Variants in RTN3 observed in about 807,000 individuals in gnomAD.
RTN3 encodes the protein reticulon 3, also known as reticulon-3.
In RTN3, 49 loss-of-function variants were observed where a neutral mutation model predicts 77.8. That is an observed-to-expected ratio of 0.63 (90% CI 0.50 to 0.80). The LOEUF is 0.80. Ranked by LOEUF, RTN3 falls within the 30% of genes least tolerant of loss-of-function variation. RTN3 has a pLI of 0.00. For synonymous variants in RTN3, 464 were observed against 446.9 expected, an observed-to-expected ratio of 1.04 and a Z score of -0.48; for missense variants, 1,236 against 1,211.9, an observed-to-expected ratio of 1.02 and a Z score of -0.29.
chr11:63,742,211 C>A (rs2013525795), intron 3 of RTN3, among the ~76,000 whole-genome samples: 1 of 148,958 alleles, frequency 6.7e-6, no homozygotes, highest in African/African-American at 2.5e-5. Flanking sequence ...GATCTCCTGA[C>A]CTTGTGATCC....
intron 1 of RTN3, among the ~76,000 whole-genome samples, chr11:63,698,317 G>T (rs1214681818): frequency 6.6e-6 from 1 of 151,968 alleles, no homozygotes; most frequent in Non-Finnish European, 1.5e-5. Flanking sequence ...GTAGAGATGG[G>T]ATTTCACCAT....
In RTN3 at chr11:63,712,791, G is replaced by A. The variant is rs1251679801; in HGVS notation, c.200-5911G>A. Among the ~76,000 whole-genome samples, 4 of 152,036 alleles carry A rather than the reference G, an allele frequency of 2.6e-5. No homozygotes were observed. In the East Asian group the frequency reaches 5.8e-4, roughly 22 times the overall value. ...TGAGCCACCGTGCCTGGCCGACTTCGAATTTTTTAATAAGAATTTTTTGGC... is the reference window on the plus strand; with the variant it reads ...TGAGCCACCGTGCCTGGCCGACTTCAAATTTTTTAATAAGAATTTTTTGGC... On this transcript the variant is annotated intron_variant, in intron 2 of 8. Coordinates refer to ENST00000377819, the MANE Select transcript of RTN3 (RefSeq NM_001265589.2).
rs1231313491 is a variant in RTN3, at chr11:63,684,623, A to G, written c.142+2845A>G. On this transcript the variant is annotated intron_variant, in intron 1 of 8. Transcript: ENST00000377819. ...CATTATTTCTTAGTAAAATTTTATTACAGAATTTGTATTTCTTAGATGTGC... is the reference window on the plus strand; with the variant it reads ...CATTATTTCTTAGTAAAATTTTATTGCAGAATTTGTATTTCTTAGATGTGC... Among the ~76,000 whole-genome samples the G allele has an allele frequency of 2.0e-5, 3 of 152,036 alleles. No individual in the cohort carries two copies. The East Asian group carries it at 5.8e-4, about 29-fold the overall frequency.
At position 63,719,602 on chromosome 11, in the gene RTN3, T is replaced by G. The variant is rs1292481640; in HGVS notation, c.1100T>G (p.Met367Arg). ...DCITKTTGLD[M>R]SEYNSEIPVV... is the part of the protein sequence containing the mutation. ...ATCACAAAAACTACAGGACTTGACA[T>G]GAGTGAATATAATTCAGAAATTCCA... Residue 367 changes from methionine (M) to arginine (R), a missense_variant, in exon 3 of 9, where the codon ATG becomes AGG. Physicochemically the swap from Met to Arg is moderately conservative, Grantham distance 91. Around this residue, in one of 3 missense-constraint regions of RTN3, gnomAD observed 1,056 missense variants for 990.4 expected, o/e 1.07. Coordinates refer to ENST00000377819, the MANE Select transcript of RTN3 (RefSeq NM_001265589.2). 3.1e-6 allele frequency: 5 copies of G among 1,613,854 alleles called. No individual in the cohort carries two copies. Among genetic ancestry groups the G allele is most frequent in the Non-Finnish European group, 4.2e-6 (5 of 1,179,996 alleles).
At chr11:63,694,095 A>G (rs1404389484) in intron 1 of RTN3, among the ~76,000 whole-genome samples, 1 of 152,162 alleles carries the variant, frequency 6.6e-6, no homozygotes, top group Non-Finnish European at 1.5e-5. Flanking sequence ...CATCCTGGGC[A>G]ACAGAAGACA....
chr11:63,720,905 T>C lies in RTN3; in HGVS notation c.2403T>C (p.Ser801=). The part of the protein sequence containing the change: ...DILERNVKNG[S]DLGISQKPIT... The stretch of plus-strand genomic sequence containing the variant: ...TAGAACGTAATGTCAAGAATGGATC[T>C]GATCTTGGGATTTCCCAGAAGCCCA... The change falls in exon 3 of 9, where the codon TCT becomes TCC. Residue 801 remains serine, a synonymous_variant. Transcript: ENST00000377819. The C allele has an allele frequency of 6.2e-7, 1 of 1,614,142 alleles. No individual in the cohort carries two copies. The highest frequency in any genetic ancestry group is 8.5e-7 in the Non-Finnish European group (1 of 1,180,032).
At chr11:63,743,980 A>C (rs894134030) in intron 3 of RTN3, among the ~76,000 whole-genome samples, 1 of 151,836 alleles carries the variant, frequency 6.6e-6, no homozygotes, top group Non-Finnish European at 1.5e-5. Flanking sequence ...ACAGTGGCTC[A>C]CGCCTGTAAT....
intron 3 of RTN3, among the ~76,000 whole-genome samples, chr11:63,747,547 C>T (rs1353429078): frequency 1.3e-5 from 2 of 152,158 alleles, no homozygotes; most frequent in South Asian, 2.1e-4. Context: ...CTCTTTGAAC[C>T]AGTGATTACT....
chr11:63,701,901 T>C (rs1384751875), intron 1 of RTN3, among the ~76,000 whole-genome samples: 2 of 152,204 alleles, frequency 1.3e-5, no homozygotes, highest in Non-Finnish European at 2.9e-5. Context: ...GCTGTGATCA[T>C]GTCAGTGCAC....
chr11:63,736,520 C>G (rs2013131400), intron 3 of RTN3, among the ~76,000 whole-genome samples: 1 of 152,016 alleles, frequency 6.6e-6, no homozygotes, highest in African/African-American at 2.4e-5. Context: ...AACCCCATCT[C>G]TACTAAAAAT....
Position 63,720,471 on chromosome 11 carries a change from G to T in RTN3, c.1969G>T (p.Ala657Ser). ...DDSSPEDLIA[A>S]FTETRDKGIV... Reference sequence around the variant, plus strand: ...TTCCTCCCCAGAGGACCTGATAGCAGCCTTTACAGAAACCAGAGATAAAGG... The same window carrying T: ...TTCCTCCCCAGAGGACCTGATAGCATCCTTTACAGAAACCAGAGATAAAGG... Residue 657 changes from alanine (A) to serine (S), a missense_variant, in exon 3 of 9, where the codon GCC (alanine) becomes TCC (serine). Transcript: ENST00000377819. 6.2e-7 allele frequency: 1 copy of T among 1,613,164 alleles called. No individual in the cohort carries two copies.
intron 1 of RTN3, among the ~76,000 whole-genome samples, chr11:63,700,282 C>T (rs4963427): frequency 9.0e-5 from 12 of 133,420 alleles, no homozygotes; most frequent in Admixed American, 1.6e-4. Flanking sequence ...GATTCTTTTA[C>T]TTTTTTTTTT....
At chr11:63,734,734 AACACACACACAC>A (rs754454322) in intron 3 of RTN3, among the ~76,000 whole-genome samples, 1,080 of 81,310 alleles carry the variant, frequency 0.013, 16 homozygotes, top group African/African-American at 0.038. Flanking sequence ...TCTGTCTCAA[AACACACACACAC>A]ACACACACAC....
intron 3 of RTN3, among the ~76,000 whole-genome samples, chr11:63,734,734 AACACACACACACACACACACACACAC>A (rs754454322): frequency 6.8e-4 from 55 of 81,316 alleles, no homozygotes; most frequent in African/African-American, 2.0e-3. Context: ...TCTGTCTCAA[AACACACACACACACACACACACACAC>A]ACACACACAC....
intron 1 of RTN3, among the ~76,000 whole-genome samples, chr11:63,695,303 T>TC (rs374507687): frequency 3.7e-4 from 57 of 152,306 alleles, no homozygotes; most frequent in African/African-American, 1.3e-3. Flanking sequence ...TTCTTTTTTT[T>TC]CCCCCTGAAA....
Position 63,704,523 on chromosome 11 carries a change from CAG to C in RTN3, c.143-325_143-324del, listed in dbSNP as rs201223182. ...AGATACTTATTTTCCCCTTCCCACA[CAG>C]AGTAGCAGAGCAGCAGCATCTGTTC... On this transcript the variant is annotated intron_variant, in intron 1 of 8. Transcript: ENST00000377819. 4.6e-4 allele frequency among the ~76,000 whole-genome samples: 70 copies of C among 152,066 alleles called. 1 individual carries two copies. The East Asian group carries it at 0.013, about 28-fold the overall frequency.
chr11:63,735,602 T>TCTCTCTCTCTCTCTCTCTC (rs1555078117), intron 3 of RTN3, among the ~76,000 whole-genome samples: 1 of 25,052 alleles, frequency 4.0e-5, no homozygotes, highest in African/African-American at 1.3e-4. Context: ...CTCTCTCTCT[T>TCTCTCTCTCTCTCTCTCTC]TCTTTCAACC....
intron 2 of RTN3, among the ~76,000 whole-genome samples, chr11:63,716,101 A>G (rs1188961102): frequency 1.3e-5 from 2 of 152,204 alleles, no homozygotes; most frequent in Non-Finnish European, 2.9e-5. Context: ...CCTTGAATGT[A>G]CAAAGACTTT....
intron 1 of RTN3, among the ~76,000 whole-genome samples, chr11:63,683,945 T>C: frequency 9.6e-6 from 1 of 104,522 alleles, no homozygotes; most frequent in South Asian, 3.5e-4. Flanking sequence ...TTTTCTTTCT[T>C]TTTTTTTTTT....
Sources: gnomAD v4.1 joint callset for allele counts (sites outside exome capture counted in the v4.1 genomes callset) on GRCh38, gnomAD v4.1.1 for gene constraint, gnomAD v4.1.1 regional missense constraint, MANE v1.5 for transcripts, NCBI Gene and HGNC (gene_info 2026-07-23, HGNC 2026-07-21) for gene names.